FUNDC2: variants seen among roughly 807,000 people sequenced by gnomAD.
The protein encoded by FUNDC2 is FUN14 domain-containing protein 2.
FUNDC2 carries 4 observed loss-of-function variants against 15.6 expected under a neutral mutation model. The ratio of observed to expected loss-of-function variants is 0.26; its 90% CI spans 0.13 to 0.59. The LOEUF is 0.59. FUNDC2 is among the 20% of genes least tolerant of loss of function. The probability of loss-of-function intolerance (pLI) is 0.90; values close to 1 mark genes in which losing one functional copy is unlikely to be tolerated. For missense variants in FUNDC2, 98 were observed against 149.7 expected (o/e 0.65, Z 1.80); for synonymous variants, 44 against 56.9 (o/e 0.77, Z 1.02).
Position 155,054,814 on chromosome X carries a change from C to A in FUNDC2, c.*142C>A. ...AAATCTGAGTGGCTTCTCTAAGCAT[C>A]TGCTGGTACAAGTCAATGTGGCACC... On this transcript the variant is annotated 3_prime_UTR_variant, in exon 5 of 5. Coordinates refer to ENST00000369498, the MANE Select transcript of FUNDC2 (RefSeq NM_023934.4). The A allele has an allele frequency of 1.9e-6, 1 of 521,202 alleles. No homozygotes were observed. The highest frequency in any genetic ancestry group is 3.3e-6 in the Non-Finnish European group (1 of 300,038). 43.0% of individuals were successfully genotyped at this position (521,202 alleles called of 1,213,427 possible).
At chrX:155,032,620 C>T (rs1449229576) in intron 1 of FUNDC2, among the ~76,000 whole-genome samples, 1 of 110,592 alleles carries the variant, frequency 9.0e-6, no homozygotes, top group Non-Finnish European at 1.9e-5. Context: ...TAGTACCTAC[C>T]TTATTCTGTG....
rs1387244569 is a variant in FUNDC2, at chrX:155,055,565, C to G, written c.*893C>G. The G allele has an allele frequency of 2.4e-5, 6 of 249,337 alleles. No individual in the cohort carries two copies. The highest frequency in any genetic ancestry group is 2.1e-4 in the Admixed American group (3 of 14,577). 20.5% of individuals were successfully genotyped at this position (249,337 alleles called of 1,213,427 possible). ...TAGGACATGAGAAATAAATTTCCATCAAGTGTAATCTACCGTCTCATGATG... is the reference window on the plus strand; with the variant it reads ...TAGGACATGAGAAATAAATTTCCATGAAGTGTAATCTACCGTCTCATGATG... On this transcript the variant is annotated 3_prime_UTR_variant, in exon 5 of 5. Transcript: ENST00000369498.
rs1557291108 is a variant in FUNDC2 at position 155,057,110 on chromosome X, A to AATACT, written c.*2438_*2439insATACT. On this transcript the variant is annotated 3_prime_UTR_variant, in exon 5 of 5. Coordinates refer to ENST00000369498, the MANE Select transcript of FUNDC2 (RefSeq NM_023934.4). ...CCACTGTGACCACTTGGGATTGTGC[A>AATACT]GAGCTGGCATGGAGGTTGAACACGC... The AATACT allele has an allele frequency of 2.0e-3, 215 of 105,018 alleles. No individual in the cohort carries two copies. The highest frequency in any genetic ancestry group is 7.0e-3 in the African/African-American group (211 of 30,024). 8.7% of individuals were successfully genotyped at this position (105,018 alleles called of 1,213,427 possible).
Position 155,056,790 on chromosome X carries a change from CTCTCCAGTGGGGTAGGGGTTG to C in FUNDC2, c.*2122_*2142del, listed in dbSNP as rs1410371033. The C allele has an allele frequency of 5.4e-5, 6 of 111,690 alleles. No individual in the cohort carries two copies. The East Asian group carries it at 1.7e-3, about 31-fold the overall frequency. The allele number at this position is 111,690 out of a possible 1,213,427, so 9.2% of individuals were successfully genotyped here. A position where few individuals can be genotyped will look rare whatever the true frequency, so the allele number is the denominator to read the frequency against. The stretch of plus-strand genomic sequence containing the variant: ...TGTGGGGAGACTGGCCACCCAATGC[CTCTCCAGTGGGGTAGGGGTTG>C]TCTTTTGGTGCATCTGTTTTTCCTG... On this transcript the variant is annotated 3_prime_UTR_variant, in exon 5 of 5. Coordinates refer to ENST00000369498, the MANE Select transcript of FUNDC2 (RefSeq NM_023934.4).
chrX:155,027,334 C>T, intron 1 of FUNDC2: 1 of 228,381 alleles, frequency 4.4e-6, no homozygotes, highest in East Asian at 7.4e-5. Flanking sequence ...GCCCCCGGCG[C>T]AGAAGCCCGA....
Position 155,058,890 on chromosome X carries a change from C to T in FUNDC2, c.*4218C>T, listed in dbSNP as rs962440299. The T allele has an allele frequency of 9.0e-6, 1 of 111,062 alleles. No homozygotes were observed. The highest frequency in any genetic ancestry group is 1.9e-5 in the Non-Finnish European group (1 of 53,006). The allele number at this position is 111,062 out of a possible 1,213,427, so 9.2% of individuals were successfully genotyped here. The stretch of plus-strand genomic sequence containing the variant: ...TAAAGCTTTAAAGTCAGTTTACTGA[C>T]TTTTCAAAAGTGTCTACCTTTTTAA... On this transcript the variant is annotated 3_prime_UTR_variant, in exon 5 of 5. Coordinates refer to ENST00000369498, the MANE Select transcript of FUNDC2 (RefSeq NM_023934.4).
In FUNDC2 at chrX:155,026,924, G is replaced by A. The variant is rs781855957; in HGVS notation, c.-15G>A. The A allele has an allele frequency of 9.3e-6, 11 of 1,179,038 alleles. No individual in the cohort carries two copies. In the South Asian group the frequency reaches 1.9e-4, roughly 20 times the overall value. ...CGGCGCGCCCGGCCCTCCCTCTTCCGCTGCCGCCGTGGGAATGGAAACATC... is the reference window on the plus strand; with the variant it reads ...CGGCGCGCCCGGCCCTCCCTCTTCCACTGCCGCCGTGGGAATGGAAACATC... On this transcript the variant is annotated 5_prime_UTR_variant, in exon 1 of 5. Transcript: ENST00000369498.
At chrX:155,032,316 C>T (rs1305063987) in intron 1 of FUNDC2, among the ~76,000 whole-genome samples, 1 of 82,469 alleles carries the variant, frequency 1.2e-5, no homozygotes, top group Non-Finnish European at 2.2e-5. Flanking sequence ...GATGGAGTCT[C>T]ATTCTTGTTG....
chrX:155,046,482 T>C (rs373457368), intron 2 of FUNDC2, 27 bp from the exon 3 acceptor site: 1 of 1,163,898 alleles, frequency 8.6e-7, no homozygotes, highest in African/African-American at 1.8e-5. Flanking sequence ...GCTCATCAAT[T>C]TGTCTGATGT....
intron 2 of FUNDC2, among the ~76,000 whole-genome samples, chrX:155,046,253 C>T (rs782151226): frequency 6.5e-4 from 72 of 111,332 alleles, no homozygotes; most frequent in African/African-American, 2.2e-3. Context: ...CCTTTAATCT[C>T]TTCTCCACAA....
intron 1 of FUNDC2, 124 bp downstream of exon 1, chrX:155,027,195 C>T: frequency 1.3e-6 from 1 of 764,795 alleles, no homozygotes. Context: ...GGCGCGGGGA[C>T]GGGGAGGGCG....
chrX:155,046,448 A>G (rs1307504057), intron 2 of FUNDC2, 61 bp from the exon 3 acceptor site: 2 of 991,407 alleles, frequency 2.0e-6, no homozygotes, highest in Non-Finnish European at 2.9e-6. Context: ...ATTGCCAGAA[A>G]TGCATGTTTG....
intron 2 of FUNDC2, among the ~76,000 whole-genome samples, chrX:155,045,667 T>C (rs1232996017): frequency 9.0e-6 from 1 of 111,095 alleles, no homozygotes; most frequent in Non-Finnish European, 1.9e-5. Context: ...TGAGAGAATA[T>C]GGACACAGGA....
chrX:155,045,026 A>C lies in FUNDC2; in HGVS notation c.285-1483A>C, dbSNP rs191291436. ...ACAATGGGATACTATTTAGCCTTAA[A>C]AAAGGAGATTGTGCTGTTTGCCATA... On this transcript the variant is annotated intron_variant, in intron 2 of 4. Coordinates refer to ENST00000369498, the MANE Select transcript of FUNDC2 (RefSeq NM_023934.4). Among the ~76,000 whole-genome samples, 8 of 112,490 alleles carry C rather than the reference A, an allele frequency of 7.1e-5. No individual in the cohort carries two copies. The East Asian group carries it at 2.2e-3, about 31-fold the overall frequency.
At chrX:155,027,982 A>G (rs1466294363) in intron 1 of FUNDC2, among the ~76,000 whole-genome samples, 2 of 101,087 alleles carry the variant, frequency 2.0e-5, no homozygotes, top group Admixed American at 2.0e-4. Flanking sequence ...CACGCCGCTA[A>G]ATTTTAGATG....
At position 155,051,761 on chromosome X, in the gene FUNDC2, G is replaced by C; in HGVS notation, c.452G>C (p.Ser151Thr). Reference protein sequence around the residue: ...KAKEQLKIRKSNQIPTEVRSK... With the variant: ...KAKEQLKIRKTNQIPTEVRSK... ...AAAGAGCAGCTGAAGATCCGTAAGA[G>C]CAATCAGATACCTACTGAGGTCAGG... The change falls in exon 4 of 5, where the codon AGC becomes ACC. Residue 151 changes from serine to threonine, a missense_variant. Ser to Thr is a moderately conservative substitution (Grantham distance 58). Transcript: ENST00000369498. The C allele has an allele frequency of 8.3e-7, 1 of 1,211,044 alleles. No individual in the cohort carries two copies. The highest frequency in any genetic ancestry group is 1.1e-6 in the Non-Finnish European group (1 of 894,595).
At chrX:155,048,199 A>C (rs1198820980) in intron 3 of FUNDC2, among the ~76,000 whole-genome samples, 1 of 111,842 alleles carries the variant, frequency 8.9e-6, no homozygotes, top group Non-Finnish European at 1.9e-5. Context: ...CCAATATTCA[A>C]GGGGTACAGG....
At chrX:155,027,230 C>T (rs886541720) in intron 1 of FUNDC2, 159 bp downstream of exon 1, 2 of 540,290 alleles carry the variant, frequency 3.7e-6, no homozygotes, top group Non-Finnish European at 5.2e-6. Flanking sequence ...CTGGCTCAGC[C>T]GCTCCCAGGG....
At chrX:155,035,326 T>A (rs184006671) in intron 2 of FUNDC2, among the ~76,000 whole-genome samples, 4 of 112,204 alleles carry the variant, frequency 3.6e-5, no homozygotes, top group Non-Finnish European at 7.5e-5. Flanking sequence ...CGCATGCATA[T>A]GTGTGTGTCT....
Sources: allele counts gnomAD v4.1 joint callset (sites outside exome capture counted in the v4.1 genomes callset), GRCh38; gene constraint gnomAD v4.1.1; transcripts MANE v1.5; gene names NCBI Gene and HGNC (gene_info 2026-07-23, HGNC 2026-07-21).